Variants in GKAP1 observed in about 807,000 individuals in gnomAD.
GKAP1 encodes G kinase anchoring protein 1, also known as G kinase-anchoring protein 1.
Under a neutral mutation model 56.7 loss-of-function variants are expected in GKAP1, and 31 were observed. The ratio of observed to expected loss-of-function variants is 0.55; its 90% CI spans 0.41 to 0.74. GKAP1 has a LOEUF of 0.74. Ranked by LOEUF, GKAP1 falls within the 30% of genes least tolerant of loss-of-function variation. The pLI, the probability that GKAP1 is intolerant of heterozygous loss-of-function variation, is 0.00. For missense variants in GKAP1, 364 were observed against 402.3 expected, an observed-to-expected ratio of 0.90 and a Z score of 0.82; for synonymous variants, 151 against 138.6, an observed-to-expected ratio of 1.09 and a Z score of -0.63.
At chr9:83,814,739 A>C (rs1944558895) in intron 2 of GKAP1, among the ~76,000 whole-genome samples, 1 of 152,264 alleles carries the variant, frequency 6.6e-6, no homozygotes, top group South Asian at 2.1e-4. Flanking sequence ...AGTGCACAAT[A>C]GACAATCCTC....
chr9:83,754,785 A>G (rs1269518837), intron 8 of GKAP1, among the ~76,000 whole-genome samples: 1 of 152,220 alleles, frequency 6.6e-6, no homozygotes, highest in African/African-American at 2.4e-5. Context: ...GAAAGCAGTG[A>G]AGGATTTTGA....
chr9:83,792,718 A>G (rs1253117633), intron 4 of GKAP1, among the ~76,000 whole-genome samples: 1 of 152,212 alleles, frequency 6.6e-6, no homozygotes, highest in East Asian at 1.9e-4. Flanking sequence ...CTACTTAATC[A>G]GTAAATGTAT....
rs141957346 is a variant in GKAP1, at chr9:83,753,079, A to ATAAAT, written c.840+178_840+179insATTTA. On this transcript the variant is annotated intron_variant, in intron 9 of 12. Transcript: ENST00000376371. ...CATCTCAAACAACAACAACAACAACAACATAAATAAATAAATAAATAATCA... is the reference window on the plus strand; with the variant it reads ...CATCTCAAACAACAACAACAACAACATAAATACATAAATAAATAAATAAATAATCA... 8.1e-3 allele frequency among the ~76,000 whole-genome samples: 1,164 copies of ATAAAT among 144,116 alleles called. 17 individuals carry two copies. Among genetic ancestry groups the ATAAAT allele is most frequent in the African/African-American group, 0.027 (1,030 of 38,124 alleles). 94.5% of individuals were successfully genotyped at this position (144,116 alleles called of 152,430 possible).
chr9:83,816,048 A>AAG (rs1378183209), intron 2 of GKAP1, among the ~76,000 whole-genome samples: 1 of 150,910 alleles, frequency 6.6e-6, no homozygotes, highest in Non-Finnish European at 1.5e-5. Context: ...AAAAAAAAAA[A>AAG]AAATTAGCCA....
chr9:83,773,339 T>C (rs1564198620), intron 7 of GKAP1, among the ~76,000 whole-genome samples: 1 of 152,038 alleles, frequency 6.6e-6, no homozygotes. Flanking sequence ...AGACAGAAAG[T>C]AGATCAGTGG....
chr9:83,796,158 C>A (rs1349674847), intron 4 of GKAP1, among the ~76,000 whole-genome samples: 1 of 152,138 alleles, frequency 6.6e-6, no homozygotes, highest in Non-Finnish European at 1.5e-5. Flanking sequence ...TCTCAAACTC[C>A]TGGCCTCAAG....
At chr9:83,782,974 C>T (rs1944002879) in intron 6 of GKAP1, among the ~76,000 whole-genome samples, 1 of 152,102 alleles carries the variant, frequency 6.6e-6, no homozygotes, top group Admixed American at 6.6e-5. Flanking sequence ...CCGACCAAAA[C>T]TTGGAAATTT....
intron 4 of GKAP1, chr9:83,792,950 CAT>C (rs1298355988): frequency 8.4e-7 from 1 of 1,192,634 alleles, no homozygotes; most frequent in African/African-American, 1.6e-5. Flanking sequence ...AAGATACTTA[CAT>C]GTGTCCAAGA....
intron 6 of GKAP1, among the ~76,000 whole-genome samples, chr9:83,782,919 G>A (rs539064833): frequency 4.6e-5 from 7 of 151,926 alleles, no homozygotes; most frequent in East Asian, 1.9e-4. Flanking sequence ...ATCTACCTGC[G>A]TTGTCCCCGC....
intron 9 of GKAP1, among the ~76,000 whole-genome samples, chr9:83,749,428 C>T (rs1289468489): frequency 1.3e-5 from 2 of 151,894 alleles, no homozygotes; most frequent in African/African-American, 4.8e-5. Context: ...GGTTTTACCA[C>T]GTTGGCCAGG....
intron 5 of GKAP1, among the ~76,000 whole-genome samples, chr9:83,787,810 A>G (rs1408248966): frequency 1.3e-5 from 2 of 152,202 alleles, no homozygotes; most frequent in Non-Finnish European, 2.9e-5. Flanking sequence ...ACACAACCTA[A>G]TATCAAAGCT....
intron 3 of GKAP1, among the ~76,000 whole-genome samples, chr9:83,804,928 A>AT (rs1301428760): frequency 6.6e-6 from 1 of 151,798 alleles, no homozygotes; most frequent in African/African-American, 2.4e-5. Context: ...CTGGGAAGTG[A>AT]GGAGCCCCTC....
chr9:83,776,556 A>G (rs1441104681), intron 7 of GKAP1, among the ~76,000 whole-genome samples: 3 of 152,068 alleles, frequency 2.0e-5, no homozygotes, highest in Admixed American at 6.6e-5. Flanking sequence ...TTAGCTGGGC[A>G]TGGTGGTGCA....
chr9:83,781,981 C>G (rs373786786), intron 6 of GKAP1, among the ~76,000 whole-genome samples: 2 of 150,820 alleles, frequency 1.3e-5, no homozygotes, highest in African/African-American at 2.4e-5. Flanking sequence ...GTAGTTGGGA[C>G]TACAGGCGCG....
rs529974742 is a variant in GKAP1 at position 83,767,020 on chromosome 9, G to A, written c.738+1798C>T. On this transcript the variant is annotated intron_variant, in intron 8 of 12. Coordinates refer to ENST00000376371, the MANE Select transcript of GKAP1 (RefSeq NM_025211.4). Reference sequence around the variant, plus strand: ...TCAAGCTAGGAGAATTGATGGATTGGAGGTCAATATAGGGTCAAGAACAGG... The same window carrying A: ...TCAAGCTAGGAGAATTGATGGATTGAAGGTCAATATAGGGTCAAGAACAGG... 5.9e-5 allele frequency among the ~76,000 whole-genome samples: 9 copies of A among 152,302 alleles called. No individual in the cohort carries two copies. The East Asian group carries it at 1.7e-3, about 29-fold the overall frequency.
At position 83,748,218 on chromosome 9, in the gene GKAP1, T is replaced by G. The variant is rs563263318; in HGVS notation, c.904+91A>C. ...CACCCTATTGTGCTATCAAACACTT[T>G]TGTTGAGTTGGTAAATCACACATTT... On this transcript the variant is annotated intron_variant, in intron 10 of 12. Transcript: ENST00000376371. 7 of 803,482 alleles carry G rather than the reference T, an allele frequency of 8.7e-6. No individual in the cohort carries two copies. In the East Asian group the frequency reaches 1.8e-4, roughly 20 times the overall value. 49.8% of individuals were successfully genotyped at this position (803,482 alleles called of 1,614,324 possible).
chr9:83,779,176 TATTC>T (rs1943911192), intron 7 of GKAP1, among the ~76,000 whole-genome samples: 1 of 151,894 alleles, frequency 6.6e-6, no homozygotes, highest in Non-Finnish European at 1.5e-5. Context: ...ATGGAATTAA[TATTC>T]AGTCTATATA....
intron 7 of GKAP1, among the ~76,000 whole-genome samples, chr9:83,770,957 T>C (rs968292571): frequency 6.6e-6 from 1 of 152,228 alleles, no homozygotes; most frequent in Non-Finnish European, 1.5e-5. Flanking sequence ...CAATTATATA[T>C]TAGAAATTTT....
At chr9:83,801,484 G>A (rs894099913) in intron 3 of GKAP1, among the ~76,000 whole-genome samples, 2 of 151,964 alleles carry the variant, frequency 1.3e-5, no homozygotes, top group South Asian at 4.1e-4. Context: ...TATTAGGTTG[G>A]TGCAAAGTAA....
Sources: gnomAD v4.1 joint callset for allele counts (sites outside exome capture counted in the v4.1 genomes callset) on GRCh38, gnomAD v4.1.1 for gene constraint, MANE v1.5 for transcripts, NCBI Gene and HGNC (gene_info 2026-07-23, HGNC 2026-07-21) for gene names.